KIF16B: variants seen among roughly 807,000 people sequenced by gnomAD.
KIF16B encodes kinesin-like protein KIF16B.
A neutral mutation model predicts 156.3 loss-of-function variants in KIF16B; 98 were observed. The ratio of observed to expected loss-of-function variants is 0.63; its 90% CI spans 0.53 to 0.74. KIF16B has a LOEUF of 0.74. Among genes scored for constraint, KIF16B ranks in the 30% least tolerant of loss-of-function variants. The pLI, the probability that KIF16B is intolerant of heterozygous loss-of-function variation, is 0.00. For synonymous variants in KIF16B, 564 were observed against 583.7 expected, an observed-to-expected ratio of 0.97 and a Z score of 0.49; for missense variants, 1,421 against 1,606.5, an observed-to-expected ratio of 0.88 and a Z score of 1.97.
intron 18 of KIF16B, among the ~76,000 whole-genome samples, chr20:16,381,163 C>T (rs2065084022): frequency 4.6e-5 from 7 of 152,018 alleles, no homozygotes; most frequent in Admixed American, 4.6e-4. Flanking sequence ...AAAGAACTGC[C>T]CAAATCAATT....
At chr20:16,348,555 G>A (rs2064276252) in intron 23 of KIF16B, among the ~76,000 whole-genome samples, 1 of 152,224 alleles carries the variant, frequency 6.6e-6, no homozygotes, top group Non-Finnish European at 1.5e-5. Flanking sequence ...CAAGAACGAA[G>A]GGCAGTGCGG....
chr20:16,450,595 T>C (rs2067053541), intron 12 of KIF16B, among the ~76,000 whole-genome samples: 1 of 152,322 alleles, frequency 6.6e-6, no homozygotes, highest in South Asian at 2.1e-4. Context: ...GCCTTGTTAC[T>C]ATTCTCCCTG....
chr20:16,500,529 T>C (rs1245775483), intron 10 of KIF16B, among the ~76,000 whole-genome samples: 1 of 152,240 alleles, frequency 6.6e-6, no homozygotes, highest in African/African-American at 2.4e-5. Flanking sequence ...TAAAATTTTC[T>C]GTGACAAATG....
chr20:16,399,599 G>A (rs1190610311), intron 17 of KIF16B, among the ~76,000 whole-genome samples: 1 of 152,140 alleles, frequency 6.6e-6, no homozygotes, highest in African/African-American at 2.4e-5. Context: ...CCTGTGACAG[G>A]CCACACAAAC....
At chr20:16,402,367 C>T (rs1324174161) in intron 17 of KIF16B, among the ~76,000 whole-genome samples, 1 of 152,184 alleles carries the variant, frequency 6.6e-6, no homozygotes, top group Non-Finnish European at 1.5e-5. Flanking sequence ...CTGACCTTCT[C>T]AGGATTACTG....
intron 22 of KIF16B, among the ~76,000 whole-genome samples, chr20:16,365,089 A>G (rs1191708961): frequency 6.6e-6 from 1 of 152,170 alleles, no homozygotes; most frequent in Non-Finnish European, 1.5e-5. Flanking sequence ...GCCCTTCATA[A>G]TCATTAATTG....
chr20:16,406,275 G>A (rs1600308595), intron 16 of KIF16B, 99 bp downstream of exon 16: 1 of 979,432 alleles, frequency 1.0e-6, no homozygotes, highest in South Asian at 1.3e-5. Context: ...CCACGGTTCT[G>A]CACCCCAGAA....
chr20:16,431,544 C>T (rs2066500335), intron 12 of KIF16B, among the ~76,000 whole-genome samples: 1 of 152,164 alleles, frequency 6.6e-6, no homozygotes, highest in Non-Finnish European at 1.5e-5. Flanking sequence ...CTATCCTTCT[C>T]TTCCCCTACA....
chr20:16,290,159 G>T (rs1051879124), intron 25 of KIF16B, among the ~76,000 whole-genome samples: 1 of 152,180 alleles, frequency 6.6e-6, no homozygotes, highest in East Asian at 1.9e-4. Context: ...TCTGACAAAG[G>T]CTTTCAAATG....
chr20:16,305,417 A>G (rs977627216), intron 25 of KIF16B, among the ~76,000 whole-genome samples: 22 of 152,160 alleles, frequency 1.4e-4, no homozygotes, highest in Non-Finnish European at 8.8e-5. Context: ...CTTTTTATTG[A>G]TATGCTATAG....
intron 25 of KIF16B, among the ~76,000 whole-genome samples, chr20:16,304,121 G>A (rs2063509319): frequency 1.3e-5 from 2 of 152,172 alleles, no homozygotes; most frequent in South Asian, 4.1e-4. Flanking sequence ...ACTGTTTGAT[G>A]ACATGCAGGG....
chr20:16,485,582 C>T (rs2068091534), intron 12 of KIF16B, among the ~76,000 whole-genome samples: 1 of 152,062 alleles, frequency 6.6e-6, no homozygotes, highest in African/African-American at 2.4e-5. Flanking sequence ...AAATATCATC[C>T]CCTCCCATCT....
At chr20:16,506,381 C>T (rs967602144) in intron 7 of KIF16B, among the ~76,000 whole-genome samples, 191 bp from the exon 8 acceptor site, 12 of 152,284 alleles carry the variant, frequency 7.9e-5, no homozygotes, top group South Asian at 4.1e-4. Flanking sequence ...AAAGAAGTTA[C>T]TGTATATGAT....
intron 17 of KIF16B, among the ~76,000 whole-genome samples, chr20:16,399,364 G>A (rs1053194955): frequency 6.6e-6 from 1 of 152,088 alleles, no homozygotes; most frequent in African/African-American, 2.4e-5. Flanking sequence ...TACTACCACC[G>A]TCCTGATTTC....
intron 12 of KIF16B, among the ~76,000 whole-genome samples, chr20:16,482,266 C>T (rs542794143): frequency 2.0e-5 from 3 of 151,838 alleles, no homozygotes; most frequent in African/African-American, 7.3e-5. Context: ...AGCTCTGCTG[C>T]CTGGAGTTAA....
intron 25 of KIF16B, among the ~76,000 whole-genome samples, chr20:16,283,954 T>C (rs1328793177): frequency 1.3e-5 from 2 of 152,174 alleles, no homozygotes; most frequent in African/African-American, 4.8e-5. Context: ...AAAGACCACC[T>C]ACATTCAGTG....
chr20:16,386,705 C>T (rs954716139), intron 17 of KIF16B, among the ~76,000 whole-genome samples: 9 of 151,784 alleles, frequency 5.9e-5, no homozygotes, highest in African/African-American at 1.2e-4. Flanking sequence ...GGTCTCTGAG[C>T]GGGCAGGAAA....
In KIF16B at chr20:16,356,452, G is replaced by A. The variant is rs201827988; in HGVS notation, c.3499C>T (p.Arg1167Trp). Residue 1167 changes from arginine to tryptophan, a missense_variant and splice_region_variant, in exon 23 of 26, where the codon CGG becomes TGG. Coordinates refer to ENST00000354981, the MANE Select transcript of KIF16B (RefSeq NM_024704.5). ...GCGCCCAAAGAGCGAGAAACCATCC[G>A]CTATCAAAGGCATGTCAGACAGGGA... ...GTIQRKLKYE[R>W]MVSRSLGANP... 1.7e-5 allele frequency: 28 copies of A among 1,613,756 alleles called. No individual in the cohort carries two copies. The highest frequency in any genetic ancestry group is 1.6e-4 in the Middle Eastern group (1 of 6,080).
At chr20:16,491,333 T>C (rs2068284724) in intron 12 of KIF16B, among the ~76,000 whole-genome samples, 1 of 152,044 alleles carries the variant, frequency 6.6e-6, no homozygotes, top group Non-Finnish European at 1.5e-5. Flanking sequence ...GATTAGTGCC[T>C]GTAGGGGCCA....
Sources: allele counts gnomAD v4.1 joint callset (sites outside exome capture counted in the v4.1 genomes callset), GRCh38; gene constraint gnomAD v4.1.1; transcripts MANE v1.5; gene names NCBI Gene and HGNC (gene_info 2026-07-23, HGNC 2026-07-21).